The following APBA2 variants were observed in gnomAD, a reference collection of about 807,000 sequenced individuals.
APBA2 encodes amyloid-beta A4 precursor protein-binding family A member 2.
A neutral mutation model predicts 75.0 loss-of-function variants in APBA2; 30 were observed. The observed-to-expected ratio is 0.40, with a 90% CI of 0.30 to 0.54. APBA2 has a LOEUF of 0.54. Ranked by LOEUF, APBA2 falls within the 20% of genes least tolerant of loss-of-function variation. APBA2 has a pLI of 0.49. For synonymous variants in APBA2, 444 were observed against 409.6 expected, an observed-to-expected ratio of 1.08 and a Z score of -1.01; for missense variants, 801 against 1,016.1, an observed-to-expected ratio of 0.79 and a Z score of 2.88.
chr15:29,108,205 G>C, intron 12 of APBA2, 65 bp from the exon 13 acceptor site: 3 of 1,609,158 alleles, frequency 1.9e-6, no homozygotes, highest in East Asian at 2.2e-5. Flanking sequence ...TGCCAGCCTC[G>C]CTCATCCTGG....
chr15:28,995,204 A>G (rs1351668173), intron 2 of APBA2, among the ~76,000 whole-genome samples: 1 of 152,124 alleles, frequency 6.6e-6, no homozygotes, highest in Admixed American at 6.5e-5. Context: ...TATTCAGGGA[A>G]GTCTGAGACC....
At chr15:28,904,105 T>A (rs371626941) in intron 1 of APBA2, among the ~76,000 whole-genome samples, 1 of 152,226 alleles carries the variant, frequency 6.6e-6, no homozygotes, top group African/African-American at 2.4e-5. Context: ...AAAAACATTA[T>A]TTTTAGTTAT....
chr15:28,948,587 G>A (rs1035838614), intron 2 of APBA2, among the ~76,000 whole-genome samples: 5 of 152,262 alleles, frequency 3.3e-5, no homozygotes, highest in Admixed American at 6.5e-5. Flanking sequence ...CTTTGCTTAC[G>A]GCTACGCCCT....
intron 13 of APBA2, among the ~76,000 whole-genome samples, chr15:29,109,361 G>C (rs1011066255): frequency 6.6e-6 from 1 of 152,176 alleles, no homozygotes; most frequent in African/African-American, 2.4e-5. Flanking sequence ...CAAATTTGCT[G>C]CTATAAAAAA....
chr15:28,962,356 G>C (rs1338761642), intron 2 of APBA2, among the ~76,000 whole-genome samples: 1 of 152,112 alleles, frequency 6.6e-6, no homozygotes, highest in East Asian at 1.9e-4. Context: ...CAGTTCACGA[G>C]GTCAGGAGAT....
intron 4 of APBA2, among the ~76,000 whole-genome samples, chr15:29,065,522 C>G (rs2042342483): frequency 6.6e-6 from 1 of 152,168 alleles, no homozygotes; most frequent in African/African-American, 2.4e-5. Context: ...AATCCTATGT[C>G]AGATAATACC....
At chr15:29,073,933 T>G (rs2042734929) in intron 4 of APBA2, among the ~76,000 whole-genome samples, 1 of 152,214 alleles carries the variant, frequency 6.6e-6, no homozygotes, top group African/African-American at 2.4e-5. Context: ...TGACATGTAC[T>G]TGGGGCATTT....
At chr15:28,891,917 CAGTT>C (rs1484541103) in intron 1 of APBA2, among the ~76,000 whole-genome samples, 2 of 152,138 alleles carry the variant, frequency 1.3e-5, no homozygotes, top group Admixed American at 1.3e-4. Context: ...AGTTGTAGTG[CAGTT>C]ACTTTATTTT....
intron 2 of APBA2, among the ~76,000 whole-genome samples, chr15:28,932,329 GTACCCA>G (rs746010091): frequency 1.3e-5 from 2 of 152,130 alleles, no homozygotes; most frequent in African/African-American, 2.4e-5. Context: ...GTGCCATGAG[GTACCCA>G]TCCCTTGCAG....
chr15:29,114,927 GTA>G (rs1240061119), intron 14 of APBA2, among the ~76,000 whole-genome samples: 3 of 147,400 alleles, frequency 2.0e-5, no homozygotes, highest in Non-Finnish European at 4.4e-5. Context: ...GCATGAGTGT[GTA>G]TGTGTGCACG....
intron 3 of APBA2, among the ~76,000 whole-genome samples, chr15:29,038,339 C>A (rs12437878): frequency 0.074 from 11,283 of 152,228 alleles, 932 homozygotes; most frequent in East Asian, 0.21. Flanking sequence ...CTTGGGAATT[C>A]ACAGAACCTC....
At chr15:29,059,084 G>T (rs951086037) in intron 4 of APBA2, among the ~76,000 whole-genome samples, 1 of 152,204 alleles carries the variant, frequency 6.6e-6, no homozygotes, top group Non-Finnish European at 1.5e-5. Flanking sequence ...GAGAGGGGAA[G>T]AATTTGAGTC....
intron 8 of APBA2, among the ~76,000 whole-genome samples, chr15:29,095,962 G>A (rs2152955403): frequency 6.6e-6 from 1 of 152,342 alleles, no homozygotes; most frequent in Non-Finnish European, 1.5e-5. Flanking sequence ...TGGCTTCTGG[G>A]ACCTGCAGGT....
At chr15:29,023,087 G>A (rs566190280) in intron 3 of APBA2, among the ~76,000 whole-genome samples, 25 of 152,162 alleles carry the variant, frequency 1.6e-4, no homozygotes, top group Middle Eastern at 3.4e-3. Flanking sequence ...TAATTCGTCC[G>A]TTGATTCTCT....
intron 2 of APBA2, among the ~76,000 whole-genome samples, chr15:28,933,586 A>G (rs1595492409): frequency 6.6e-6 from 1 of 152,216 alleles, no homozygotes; most frequent in Admixed American, 6.5e-5. Context: ...TCTGCTAGTA[A>G]AGACAGTTGT....
At chr15:28,897,182 GACACACAC>G (rs368122549) in intron 1 of APBA2, among the ~76,000 whole-genome samples, 3 of 148,048 alleles carry the variant, frequency 2.0e-5, no homozygotes, top group African/African-American at 7.5e-5. Context: ...CAAAAGACAC[GACACACAC>G]ACACACACAC....
chr15:29,088,062 G>T (rs148814700), intron 6 of APBA2, among the ~76,000 whole-genome samples: 4,252 of 152,146 alleles, frequency 0.028, 120 homozygotes, highest in African/African-American at 0.063. Flanking sequence ...GCACCTCTCA[G>T]CCCCCTCTCT....
At chr15:29,076,031 T>A in intron 5 of APBA2, 24 bp from the exon 6 acceptor site, 1 of 1,612,836 alleles carries the variant, frequency 6.2e-7, no homozygotes, top group Non-Finnish European at 8.5e-7. Flanking sequence ...GTTATGTGTT[T>A]TATTTTTCCA....
intron 4 of APBA2, among the ~76,000 whole-genome samples, chr15:29,068,814 C>T (rs1007402060): frequency 2.0e-5 from 3 of 152,110 alleles, no homozygotes; most frequent in African/African-American, 7.2e-5. Flanking sequence ...TGTTTGAGAC[C>T]CTTAGAGGGC....
Sources: allele counts gnomAD v4.1 joint callset (sites outside exome capture counted in the v4.1 genomes callset), GRCh38; gene constraint gnomAD v4.1.1; transcripts MANE v1.5; gene names NCBI Gene and HGNC (gene_info 2026-07-23, HGNC 2026-07-21).